JAKMIP1: variants seen among roughly 807,000 people sequenced by gnomAD.
The protein encoded by JAKMIP1 is janus kinase and microtubule interacting protein 1.
Under a neutral mutation model 113.0 loss-of-function variants are expected in JAKMIP1, and 33 were observed. The observed-to-expected ratio is 0.29, with a 90% CI of 0.22 to 0.39. The LOEUF (loss-of-function observed/expected upper bound fraction) is 0.39, where lower values mean the gene tolerates loss of function less well. JAKMIP1 is among the 10% of genes least tolerant of loss of function. JAKMIP1 has a pLI of 1.00. For synonymous variants in JAKMIP1, 480 were observed against 459.9 expected (o/e 1.04, Z -0.56); for missense variants, 813 against 1,080.5 (o/e 0.75, Z 3.47).
At chr4:6,132,350 C>G (rs960999552) in intron 1 of JAKMIP1, among the ~76,000 whole-genome samples, 1 of 152,048 alleles carries the variant, frequency 6.6e-6, no homozygotes, top group African/African-American at 2.4e-5. Flanking sequence ...TTATTAAAAC[C>G]ACAGAAGGCA....
rs1202364823 is a variant in JAKMIP1, at chr4:6,136,014, G to A, written c.-147-23017C>T. ...TAATCCCAGCACTTTGAGAGGCCAA[G>A]GTGGGTGGATCACTTGAGGTCAGGA... On this transcript the variant is annotated intron_variant, in intron 1 of 20. Coordinates refer to ENST00000409021, the MANE Select transcript of JAKMIP1 (RefSeq NM_001099433.2). The surrounding 1 kb of genome is among the most constrained non-coding windows in gnomAD (Gnocchi z 5.9). 6.6e-6 allele frequency among the ~76,000 whole-genome samples: 1 copy of A among 152,202 alleles called. No homozygotes were observed. The highest frequency in any genetic ancestry group is 2.4e-5 in the African/African-American group (1 of 41,434).
intron 1 of JAKMIP1, among the ~76,000 whole-genome samples, chr4:6,117,466 G>A (rs1715975787): frequency 6.6e-6 from 1 of 152,130 alleles, no homozygotes; most frequent in Non-Finnish European, 1.5e-5. Context: ...CAGGGTAATA[G>A]AATATCACAA....
At chr4:6,038,351 AC>A (rs1442338943) in intron 18 of JAKMIP1, among the ~76,000 whole-genome samples, 4 of 128,266 alleles carry the variant, frequency 3.1e-5, no homozygotes, top group African/African-American at 1.4e-4. Flanking sequence ...GCAGAGGTTA[AC>A]CCAGTAGCCC....
intron 8 of JAKMIP1, among the ~76,000 whole-genome samples, chr4:6,072,818 T>C (rs922074869): frequency 2.0e-5 from 3 of 151,960 alleles, no homozygotes; most frequent in Admixed American, 2.0e-4. Flanking sequence ...ATGCACATGA[T>C]GAAAAAATGT....
intron 1 of JAKMIP1, among the ~76,000 whole-genome samples, chr4:6,196,523 C>T (rs1314623271): frequency 2.0e-5 from 3 of 152,248 alleles, no homozygotes; most frequent in Admixed American, 1.3e-4. Flanking sequence ...ACACCAATGG[C>T]CACTACGGAC....
In JAKMIP1 at chr4:6,157,472, G is replaced by T. The variant is rs77394118; in HGVS notation, c.-148+42781C>A. Among the ~76,000 whole-genome samples the T allele has an allele frequency of 6.6e-6, 1 of 152,286 alleles. No individual in the cohort carries two copies. Among genetic ancestry groups the T allele is most frequent in the African/African-American group, 2.4e-5 (1 of 41,562 alleles). On this transcript the variant is annotated intron_variant, in intron 1 of 20. Transcript: ENST00000409021. This position sits in a 1 kb window ranked among gnomAD's most constrained non-coding sequence, Gnocchi z 4.7. ...AGGAAGCTACAAATTATAGATATAA[G>T]AATCTTCAAATTTTCAAATCAAACT...
At position 6,054,118 on chromosome 4, in the gene JAKMIP1, G is replaced by A; in HGVS notation, c.1738C>T (p.Leu580=). 6.2e-7 allele frequency: 1 copy of A among 1,614,102 alleles called. No homozygotes were observed. Among genetic ancestry groups the A allele is most frequent in the African/African-American group, 1.3e-5 (1 of 75,032 alleles). ...TTGGCGTCTTGCATTTCATTCTTCAGCTGGTTCTCTTCCATTTCCAGTCTG... is the reference window on the plus strand; with the variant it reads ...TTGGCGTCTTGCATTTCATTCTTCAACTGGTTCTCTTCCATTTCCAGTCTG... ...IYRLEMEENQ[L]KNEMQDAKDQ... is the part of the protein sequence containing the mutation. The change falls in exon 13 of 21, where the codon CTG becomes TTG. Residue 580 remains leucine (L), a synonymous_variant. Coordinates refer to ENST00000409021, the MANE Select transcript of JAKMIP1 (RefSeq NM_001099433.2).
In JAKMIP1 at chr4:6,029,761, G is replaced by A. The variant is rs1353205926; in HGVS notation, c.2400C>T (p.Asp800=). The change falls in exon 20 of 21, where the codon GAC becomes GAT. Residue 800 remains aspartate (D), a synonymous_variant. Transcript: ENST00000409021. ...GGTGCCGCTTCTGAAACTCCAGTTT[G>A]TCCTCCAGTTCTCGGATTCTCTGAA... ...QAQQRIRELE[D]KLEFQKRHLK... 1 of 1,604,966 alleles carries A rather than the reference G, an allele frequency of 6.2e-7. No individual in the cohort carries two copies.
intron 1 of JAKMIP1, among the ~76,000 whole-genome samples, chr4:6,172,598 G>C (rs1470804392): frequency 6.6e-6 from 1 of 152,160 alleles, no homozygotes; most frequent in African/African-American, 2.4e-5. Flanking sequence ...ATTGTGCAGG[G>C]ACTGAATCAG....
intron 11 of JAKMIP1, among the ~76,000 whole-genome samples, chr4:6,057,221 G>A (rs992365329): frequency 1.3e-5 from 2 of 152,232 alleles, no homozygotes; most frequent in African/African-American, 4.8e-5. Flanking sequence ...CACCAAGTCC[G>A]TCTTGTCGCT....
In JAKMIP1 at chr4:6,031,416, CAATA is replaced by C. The variant is rs934423392; in HGVS notation, c.2380-1639_2380-1636del. 2.0e-5 allele frequency among the ~76,000 whole-genome samples: 3 copies of C among 152,054 alleles called. No individual in the cohort carries two copies. The highest frequency in any genetic ancestry group is 7.2e-5 in the African/African-American group (3 of 41,390). ...TGGGTGACACAGAGAGACTCCATCT[CAATA>C]AATAAATAAAGAGGCATGAGGAGGG... On this transcript the variant is annotated intron_variant, in intron 19 of 20. Coordinates refer to ENST00000409021, the MANE Select transcript of JAKMIP1 (RefSeq NM_001099433.2). The surrounding 1 kb of genome is among the most constrained non-coding windows in gnomAD (Gnocchi z 4.4).
Position 6,081,014 on chromosome 4 carries a change from C to CACACACACACA in JAKMIP1, c.1101+594_1101+595insTGTGTGTGTGT, listed in dbSNP as rs1553821445. Among the ~76,000 whole-genome samples, 13 of 151,336 alleles carry CACACACACACA rather than the reference C, an allele frequency of 8.6e-5. No individual in the cohort carries two copies. Among genetic ancestry groups the CACACACACACA allele is most frequent in the South Asian group, 2.1e-4 (1 of 4,714 alleles). On this transcript the variant is annotated intron_variant, in intron 6 of 20. Transcript: ENST00000409021. The surrounding 1 kb of genome is among the most constrained non-coding windows in gnomAD (Gnocchi z 4.6). ...ACACACACACACACACACACACACA[C>CACACACACACA]CTGCATCTGCTACAGTGCAGACAGC...
chr4:6,198,847 G>A (rs1430578945), intron 1 of JAKMIP1, among the ~76,000 whole-genome samples: 1 of 152,202 alleles, frequency 6.6e-6, no homozygotes, highest in Non-Finnish European at 1.5e-5. Flanking sequence ...TACAGGAAGG[G>A]CCAGCTCCTC....
intron 19 of JAKMIP1, among the ~76,000 whole-genome samples, chr4:6,035,129 CTT>C (rs959355797): frequency 6.6e-6 from 1 of 152,076 alleles, no homozygotes; most frequent in African/African-American, 2.4e-5. Context: ...CTCTCTCTCT[CTT>C]TCTCTTTCTC....
intron 5 of JAKMIP1, among the ~76,000 whole-genome samples, chr4:6,082,210 A>G (rs1225513515): frequency 6.6e-6 from 1 of 151,952 alleles, no homozygotes; most frequent in Non-Finnish European, 1.5e-5. Context: ...TTTTGCAAAG[A>G]TTGGTGGTTT....
rs945588792 is a variant in JAKMIP1 at position 6,186,890 on chromosome 4, C to T, written c.-148+13363G>A. On this transcript the variant is annotated intron_variant, in intron 1 of 20. Transcript: ENST00000409021. This position sits in a 1 kb window ranked among gnomAD's most constrained non-coding sequence, Gnocchi z 5.5. ...TCACCCAAGCTGGAGTGCAGTGGTG[C>T]AATCACGGCTCACTGCAGCCTCAAC... is the stretch of plus-strand genomic sequence containing the variant. Among the ~76,000 whole-genome samples the T allele has an allele frequency of 5.9e-5, 9 of 152,132 alleles. No homozygotes were observed. The highest frequency in any genetic ancestry group is 2.2e-4 in the African/African-American group (9 of 41,414).
Position 6,080,401 on chromosome 4 carries a change from G to A in JAKMIP1, c.1102-89C>T. On this transcript the variant is annotated intron_variant, in intron 6 of 20. Coordinates refer to ENST00000409021, the MANE Select transcript of JAKMIP1 (RefSeq NM_001099433.2). The surrounding 1 kb of genome is among the most constrained non-coding windows in gnomAD (Gnocchi z 6.0). ...GCTGGAGTGGAGCTCAGGGGTGCAG[G>A]GACAGAAGGATGGATGGGAGGATGA... 2 of 1,452,436 alleles carry A rather than the reference G, an allele frequency of 1.4e-6. No individual in the cohort carries two copies. The highest frequency in any genetic ancestry group is 1.9e-6 in the Non-Finnish European group (2 of 1,068,226). The allele number at this position is 1,452,436 out of a possible 1,614,324, so 90.0% of individuals were successfully genotyped here.
At position 6,065,730 on chromosome 4, in the gene JAKMIP1, G is replaced by T. The variant is rs1208476299; in HGVS notation, c.1303-722C>A. Reference sequence around the variant, plus strand: ...GCAAATTGTAAGGCTCTATGTGACGGCCTCTGAGTTGCCCTGCTGGCACTT... The same window carrying T: ...GCAAATTGTAAGGCTCTATGTGACGTCCTCTGAGTTGCCCTGCTGGCACTT... On this transcript the variant is annotated intron_variant, in intron 8 of 20. Coordinates refer to ENST00000409021, the MANE Select transcript of JAKMIP1 (RefSeq NM_001099433.2). This position sits in a 1 kb window ranked among gnomAD's most constrained non-coding sequence, Gnocchi z 5.1. 6.6e-6 allele frequency among the ~76,000 whole-genome samples: 1 copy of T among 152,222 alleles called. No homozygotes were observed. The highest frequency in any genetic ancestry group is 2.4e-5 in the African/African-American group (1 of 41,456).
intron 1 of JAKMIP1, among the ~76,000 whole-genome samples, chr4:6,133,598 G>A (rs1301797555): frequency 6.6e-6 from 1 of 152,168 alleles, no homozygotes; most frequent in African/African-American, 2.4e-5. Context: ...GTGGGTGGTG[G>A]GCAGGGGGCG....
Sources: gnomAD v4.1 joint callset for allele counts (sites outside exome capture counted in the v4.1 genomes callset) on GRCh38, gnomAD v4.1.1 for gene constraint, Gnocchi (gnomAD v3.1) non-coding constraint, MANE v1.5 for transcripts, NCBI Gene and HGNC (gene_info 2026-07-23, HGNC 2026-07-21) for gene names.